SLC8B1: variants seen among roughly 807,000 people sequenced by gnomAD.
The protein encoded by SLC8B1 is solute carrier family 8 member B1, also known as mitochondrial sodium/calcium exchanger protein.
In SLC8B1, 52 loss-of-function variants were observed where a neutral mutation model predicts 63.4. The ratio of observed to expected loss-of-function variants is 0.82; its 90% CI spans 0.66 to 1.03. The LOEUF is 1.03. Among genes scored for constraint, SLC8B1 ranks in the 50% least tolerant of loss-of-function variants. The probability of loss-of-function intolerance (pLI) is 0.00; values close to 1 mark genes in which losing one functional copy is unlikely to be tolerated. For missense variants in SLC8B1, 657 were observed against 741.7 expected (o/e 0.89, Z 1.33); for synonymous variants, 336 against 323.9 (o/e 1.04, Z -0.40).
chr12:113,323,451 G>A (rs1011872088), intron 2 of SLC8B1, among the ~76,000 whole-genome samples: 6 of 152,202 alleles, frequency 3.9e-5, no homozygotes, highest in African/African-American at 1.2e-4. Flanking sequence ...GCTCATGCCT[G>A]TAATCCCAGC....
intron 2 of SLC8B1, among the ~76,000 whole-genome samples, chr12:113,326,766 T>G (rs1957001740): frequency 6.6e-6 from 1 of 151,672 alleles, no homozygotes; most frequent in Non-Finnish European, 1.5e-5. Flanking sequence ...AGCCTCAAAC[T>G]CTTAGGCTTA....
chr12:113,310,214 G>C lies in SLC8B1; in HGVS notation c.1257+20C>G. On this transcript the variant is annotated intron_variant, in intron 12 of 15. Coordinates refer to ENST00000680972, the MANE Select transcript of SLC8B1 (RefSeq NM_001358345.2). ...ATCAGCATCCCTCCCCCCCCATCTC[G>C]GAGAACCCGGGCTTCTTACCCAGTG... The C allele has an allele frequency of 6.2e-7, 1 of 1,610,268 alleles. No homozygotes were observed. The highest frequency in any genetic ancestry group is 8.5e-7 in the Non-Finnish European group (1 of 1,178,520).
In SLC8B1 at chr12:113,316,692, G is replaced by A. The variant is rs192939316; in HGVS notation, c.863-36C>T. 1,415 of 1,606,470 alleles carry A rather than the reference G, an allele frequency of 8.8e-4. 14 individuals are homozygous for A. The African/African-American group carries it at 0.015, about 17-fold the overall frequency. On this transcript the variant is annotated intron_variant, in intron 9 of 15. Coordinates refer to ENST00000680972, the MANE Select transcript of SLC8B1 (RefSeq NM_001358345.2). ...GGGTCGGGTGGTGAGGTGTGCCTGC[G>A]GCTGACTTGCTCTCCAGGAAACCTT...
chr12:113,322,513 ATGT>A (rs1206575809), intron 2 of SLC8B1, among the ~76,000 whole-genome samples: 1 of 152,208 alleles, frequency 6.6e-6, no homozygotes, highest in African/African-American at 2.4e-5. Flanking sequence ...TATGAGAAAA[ATGT>A]TGTCAGAGAA....
chr12:113,323,541 T>C (rs1229263323), intron 2 of SLC8B1, among the ~76,000 whole-genome samples: 1 of 152,088 alleles, frequency 6.6e-6, no homozygotes, highest in South Asian at 2.1e-4. Flanking sequence ...AAACCCCGTC[T>C]CTACTAAAAA....
intron 13 of SLC8B1, among the ~76,000 whole-genome samples, chr12:113,307,302 A>G (rs930111331): frequency 6.6e-6 from 1 of 152,092 alleles, no homozygotes. Context: ...GGAGCAGTGC[A>G]TAACCTGGCC....
chr12:113,318,839 A>C (rs1375998828), intron 8 of SLC8B1, 125 bp downstream of exon 8: 3 of 692,640 alleles, frequency 4.3e-6, no homozygotes, highest in African/African-American at 3.6e-5. Flanking sequence ...GAATGAGTAG[A>C]AAGAGCATGA....
At chr12:113,303,114 GAC>G (rs57763094) in intron 15 of SLC8B1, among the ~76,000 whole-genome samples, 5,719 of 140,418 alleles carry the variant, frequency 0.041, 207 homozygotes, top group East Asian at 0.21. Flanking sequence ...AAAGGCGGTG[GAC>G]ACACACACAC....
Position 113,306,679 on chromosome 12 carries a change from A to G in SLC8B1, c.1412-104T>C, listed in dbSNP as rs1455031812. 4 of 928,442 alleles carry G rather than the reference A, an allele frequency of 4.3e-6. No individual in the cohort carries two copies. The East Asian group carries it at 1.0e-4, about 24-fold the overall frequency. The allele number at this position is 928,442 out of a possible 1,614,324, so 57.5% of individuals were successfully genotyped here. ...CCACGGTCATTCAGGCAACAAACAC[A>G]GATGGATGCCCAAGTGTGCCTGGGC... On this transcript the variant is annotated intron_variant, in intron 13 of 15. Coordinates refer to ENST00000680972, the MANE Select transcript of SLC8B1 (RefSeq NM_001358345.2).
intron 2 of SLC8B1, among the ~76,000 whole-genome samples, chr12:113,322,137 G>A (rs1251318084): frequency 1.3e-5 from 2 of 151,964 alleles, no homozygotes; most frequent in East Asian, 3.9e-4. Context: ...GGTTGAGGCT[G>A]CAATACTGCA....
rs1956742014 is a variant in SLC8B1 at position 113,310,416 on chromosome 12, G to A, written c.1136-61C>T. ...AGCACCTCAACACCCACTTACAATG[G>A]ACTATTTGGATGTCAGGTAGACACT... is the stretch of plus-strand genomic sequence containing the variant. On this transcript the variant is annotated intron_variant, in intron 11 of 15. Coordinates refer to ENST00000680972, the MANE Select transcript of SLC8B1 (RefSeq NM_001358345.2). The A allele has an allele frequency of 7.6e-6, 12 of 1,568,870 alleles. No individual in the cohort carries two copies. The South Asian group carries it at 1.4e-4, about 19-fold the overall frequency.
chr12:113,303,553 A>C lies in SLC8B1; in HGVS notation c.1557+768T>G, dbSNP rs1277551818. On this transcript the variant is annotated intron_variant, in intron 15 of 15. Coordinates refer to ENST00000680972, the MANE Select transcript of SLC8B1 (RefSeq NM_001358345.2). The stretch of plus-strand genomic sequence containing the variant: ...GAGTCTCTGGACTCAAGTCCTCCAG[A>C]ATAGAGATGCAGGGATGGGACTGCC... Among the ~76,000 whole-genome samples the C allele has an allele frequency of 2.6e-5, 4 of 152,012 alleles. No individual in the cohort carries two copies. In the East Asian group the frequency reaches 5.8e-4, roughly 22 times the overall value.
chr12:113,310,234 C>G lies in SLC8B1; in HGVS notation c.1257G>C (p.Trp419Cys), dbSNP rs368090306. 1.2e-6 allele frequency: 2 copies of G among 1,613,204 alleles called. No individual in the cohort carries two copies. The highest frequency in any genetic ancestry group is 2.7e-5 in the African/African-American group (2 of 74,858). Residue 419 changes from tryptophan (W) to cysteine (C), a missense_variant and splice_region_variant, in exon 12 of 16, where the codon TGG (tryptophan) becomes TGC (cysteine). Coordinates refer to ENST00000680972, the MANE Select transcript of SLC8B1 (RefSeq NM_001358345.2). ...TSDSQPPRLH[W>C]LFAFLGFLTS... ...ATCTCGGAGAACCCGGGCTTCTTAC[C>G]CAGTGAAGCCTGGGGGGCTGGCTGT... is the stretch of plus-strand genomic sequence containing the variant.
chr12:113,303,114 GACACACACACAC>G (rs57763094), intron 15 of SLC8B1, among the ~76,000 whole-genome samples: 1 of 140,860 alleles, frequency 7.1e-6, no homozygotes, highest in Non-Finnish European at 1.5e-5. Context: ...AAAGGCGGTG[GACACACACACAC>G]ACACACACAC....
At chr12:113,332,698 C>A in intron 2 of SLC8B1, 25 bp downstream of exon 2, 2 of 1,606,240 alleles carry the variant, frequency 1.2e-6, no homozygotes, top group Non-Finnish European at 8.5e-7. Context: ...CCCACTCAAC[C>A]CCAGGTTCCT....
rs1298218104 is a variant in SLC8B1 at position 113,305,176 on chromosome 12, A to T, written c.1493-791T>A. ...TGGTGATAGTGTGTGGGCCGAGGCC[A>T]TCTCTAGGGGTCGTTCAGGGCTCCC... On this transcript the variant is annotated intron_variant, in intron 14 of 15. Transcript: ENST00000680972. This position sits in a 1 kb window ranked among gnomAD's most constrained non-coding sequence, Gnocchi z 4.3. Among the ~76,000 whole-genome samples the T allele has an allele frequency of 1.3e-5, 2 of 152,204 alleles. No individual in the cohort carries two copies. Among genetic ancestry groups the T allele is most frequent in the Non-Finnish European group, 2.9e-5 (2 of 68,038 alleles).
intron 2 of SLC8B1, among the ~76,000 whole-genome samples, chr12:113,330,037 A>T (rs575306097): frequency 1.6e-4 from 24 of 152,142 alleles, no homozygotes; most frequent in Admixed American, 1.2e-3. Flanking sequence ...TCTCAGTCTA[A>T]ATGTCATGTC....
At position 113,320,527 on chromosome 12, in the gene SLC8B1, C is replaced by A; in HGVS notation, c.527-29G>T. The A allele has an allele frequency of 6.2e-7, 1 of 1,613,984 alleles. No homozygotes were observed. The highest frequency in any genetic ancestry group is 8.5e-7 in the Non-Finnish European group (1 of 1,179,998). The stretch of plus-strand genomic sequence containing the variant: ...GGGGGAGGAGGCCAGAGCTCAGCCA[C>A]CCTGCACCCTCTCCTGCTGCTTTCC... On this transcript the variant is annotated intron_variant, in intron 6 of 15. Coordinates refer to ENST00000680972, the MANE Select transcript of SLC8B1 (RefSeq NM_001358345.2). This position sits in a 1 kb window ranked among gnomAD's most constrained non-coding sequence, Gnocchi z 5.3.
In SLC8B1 at chr12:113,307,704, C is replaced by T. The variant is rs1420455841; in HGVS notation, c.1398G>A (p.Gly466=). The T allele has an allele frequency of 6.2e-7, 1 of 1,613,600 alleles. No individual in the cohort carries two copies. The highest frequency in any genetic ancestry group is 2.2e-5 in the East Asian group (1 of 44,880). The part of the protein sequence containing the change: ...TVLGLTLLAW[G]NSIGDAFSDF... ...GCCCTGAGTCACCTCCAATGCTGTT[C>T]CCCCAGGCCAGCAGCGTGAGCCCCA... The change falls in exon 13 of 16, where the codon GGG becomes GGA. Residue 466 remains glycine (G), a synonymous_variant. Transcript: ENST00000680972.
Sources: allele counts gnomAD v4.1 joint callset (sites outside exome capture counted in the v4.1 genomes callset), GRCh38; gene constraint gnomAD v4.1.1; non-coding constraint Gnocchi (gnomAD v3.1); transcripts MANE v1.5; gene names NCBI Gene and HGNC (gene_info 2026-07-23, HGNC 2026-07-21).